The following SFPQ variants were observed in gnomAD, a reference collection of about 807,000 sequenced individuals.
SFPQ encodes splicing factor proline and glutamine rich, also known as splicing factor, proline- and glutamine-rich.
In SFPQ, 11 loss-of-function variants were observed where a neutral mutation model predicts 72.9. That is an observed-to-expected ratio of 0.15 (90% CI 0.09 to 0.25). The LOEUF is 0.25. Among genes scored for constraint, SFPQ ranks in the 10% least tolerant of loss-of-function variants. The pLI is 1.00. For synonymous variants in SFPQ, 506 were observed against 367.3 expected (o/e 1.38, Z -4.32); for missense variants, 847 against 993.3 (o/e 0.85, Z 1.98).
chr1:35,186,663 T>C (rs147115714), intron 9 of SFPQ, among the ~76,000 whole-genome samples: 1 of 152,346 alleles, frequency 6.6e-6, no homozygotes, highest in African/African-American at 2.4e-5. Flanking sequence ...CACTTGGATG[T>C]AGAATAATCA....
rs925562780 is a variant in SFPQ at position 35,189,677 on chromosome 1, G to A, written c.1416-295C>T. Among the ~76,000 whole-genome samples the A allele has an allele frequency of 3.9e-5, 6 of 152,082 alleles. No individual in the cohort carries two copies. In the East Asian group the frequency reaches 5.8e-4, roughly 15 times the overall value. ...TAAAAATGTACTGTAGGCCACACGC[G>A]GTGGCTCACCCCTGTAATCCCTGCA... On this transcript the variant is annotated intron_variant, in intron 4 of 9. Coordinates refer to ENST00000357214, the MANE Select transcript of SFPQ (RefSeq NM_005066.3).
intron 7 of SFPQ, among the ~76,000 whole-genome samples, 168 bp downstream of exon 7, chr1:35,187,805 A>G (rs376239036): frequency 2.7e-4 from 41 of 152,302 alleles, no homozygotes; most frequent in African/African-American, 9.9e-4. Flanking sequence ...AAAACTTCCT[A>G]TTCAATTAAA....
intron 4 of SFPQ, 41 bp downstream of exon 4, chr1:35,190,457 A>G: frequency 7.3e-7 from 1 of 1,378,318 alleles, no homozygotes; most frequent in South Asian, 1.2e-5. Flanking sequence ...TAACCTTTAC[A>G]CTTGATTTAA....
downstream of SFPQ, chr1:35,178,485 A>G: frequency 9.4e-7 from 1 of 1,063,832 alleles, no homozygotes; most frequent in East Asian, 5.1e-5. Context: ...GAGTCCTCCA[A>G]GAGTGCCCAA....
chr1:35,181,404 C>A, downstream of SFPQ: 1 of 1,064,052 alleles, frequency 9.4e-7, no homozygotes, highest in Non-Finnish European at 1.1e-6. Flanking sequence ...TTAAAAATTG[C>A]ACAGGCGTAA....
intron 1 of SFPQ, among the ~76,000 whole-genome samples, chr1:35,191,790 T>C (rs1376903962): frequency 6.6e-6 from 1 of 152,114 alleles, no homozygotes; most frequent in Non-Finnish European, 1.5e-5. Context: ...ATATGTTGAG[T>C]GTCCCTAAAA....
Position 35,183,898 on chromosome 1 carries a change from G to A in SFPQ, c.*558C>T, listed in dbSNP as rs556353804. ...CATTTAAAAAATACTTAGCACCAGC[G>A]TGCTTCCTATATGCCAAACAAATCA... On this transcript the variant is annotated 3_prime_UTR_variant, in exon 10 of 10. Transcript: ENST00000357214. The A allele has an allele frequency of 2.7e-5, 28 of 1,051,774 alleles. No individual in the cohort carries two copies. The highest frequency in any genetic ancestry group is 1.6e-4 in the East Asian group (3 of 18,372). 65.2% of individuals were successfully genotyped at this position (1,051,774 alleles called of 1,614,324 possible).
downstream of SFPQ, chr1:35,181,563 A>G (rs552014153): frequency 9.4e-7 from 1 of 1,062,192 alleles, no homozygotes; most frequent in South Asian, 4.6e-5. Context: ...GGCTATGCTT[A>G]TAAAATACCT....
chr1:35,182,227 TTCTTG>T (rs1639497558), downstream of SFPQ: 1 of 985,258 alleles, frequency 1.0e-6, no homozygotes, highest in South Asian at 4.7e-5. Context: ...ACCCCTTATT[TTCTTG>T]TCTTTAGTAG....
chr1:35,192,785 G>A lies in SFPQ; in HGVS notation c.265C>T (p.Pro89Ser), dbSNP rs1228501086. The A allele has an allele frequency of 2.7e-6, 4 of 1,500,904 alleles. No individual in the cohort carries two copies. Among genetic ancestry groups the A allele is most frequent in the South Asian group, 2.5e-5 (2 of 80,350 alleles). The allele number at this position is 1,500,904 out of a possible 1,614,324, so 93.0% of individuals were successfully genotyped here. A position where few individuals can be genotyped will look rare whatever the true frequency, so the allele number is the denominator to read the frequency against. The change falls in exon 1 of 10, where the codon CCG (proline) becomes TCG (serine). Residue 89 changes from proline to serine, a missense_variant. Transcript: ENST00000357214. ...PQQPPPHQPP[P>S]HPQPHQQQQP... ...TGCTGCTGATGCGGCTGTGGATGCGGCGGCGGCTGATGCGGTGGCGGCTGC... is the reference window on the plus strand; with the variant it reads ...TGCTGCTGATGCGGCTGTGGATGCGACGGCGGCTGATGCGGTGGCGGCTGC...
chr1:35,189,633 G>C (rs1409449873), intron 4 of SFPQ, among the ~76,000 whole-genome samples: 1 of 152,044 alleles, frequency 6.6e-6, no homozygotes, highest in East Asian at 1.9e-4. Flanking sequence ...TCCTTACCGA[G>C]GCTTATTTTT....
chr1:35,182,145 A>AT, downstream of SFPQ: 3 of 985,330 alleles, frequency 3.0e-6, no homozygotes, highest in Non-Finnish European at 2.4e-6. Flanking sequence ...TTATAGGCAG[A>AT]TTTTCCCATT....
At chr1:35,185,168 A>G (rs1639645558) in intron 9 of SFPQ, among the ~76,000 whole-genome samples, 1 of 152,246 alleles carries the variant, frequency 6.6e-6, no homozygotes, top group Non-Finnish European at 1.5e-5. Context: ...ACAAAAAGAA[A>G]AAGCATAAGA....
downstream of SFPQ, chr1:35,179,269 T>C (rs186407727): frequency 5.4e-5 from 57 of 1,060,608 alleles, 1 homozygote; most frequent in Non-Finnish European, 5.7e-6. Flanking sequence ...CCATTAAGGT[T>C]AAAAGTCCAA....
chr1:35,188,944 G>A, intron 6 of SFPQ, 59 bp downstream of exon 6: 1 of 1,377,450 alleles, frequency 7.3e-7, no homozygotes. Flanking sequence ...CCGGGCAACA[G>A]AATGATACGT....
In SFPQ at chr1:35,192,808, TGCTGCGGCGGTG is replaced by T. The variant is rs1464613450; in HGVS notation, c.230_241del (p.Pro77_Gln80del). The T allele has an allele frequency of 2.7e-6, 4 of 1,505,382 alleles. No individual in the cohort carries two copies. In the Admixed American group the frequency reaches 6.6e-5, roughly 25 times the overall value. 93.3% of individuals were successfully genotyped at this position (1,505,382 alleles called of 1,614,324 possible). On this transcript the variant is annotated inframe_deletion, in exon 1 of 10. Transcript: ENST00000357214. ...CGGCGGCGGCTGATGCGGTGGCGGC[TGCTGCGGCGGTG>T]GCTGCTGCGGTGGTGGCTGTTGCTG...
downstream of SFPQ, chr1:35,179,515 A>G (rs1348164380): frequency 9.5e-6 from 10 of 1,054,978 alleles, no homozygotes; most frequent in African/African-American, 1.7e-5. Context: ...AATACAATGC[A>G]AGCACCTCGG....
intron 9 of SFPQ, among the ~76,000 whole-genome samples, chr1:35,185,056 G>A (rs1374185698): frequency 2.0e-5 from 3 of 152,232 alleles, no homozygotes; most frequent in Admixed American, 6.5e-5. Context: ...TTAGTGGCAT[G>A]TGCTGCTTAA....
intron 6 of SFPQ, 66 bp from the exon 7 acceptor site, chr1:35,188,156 A>C: frequency 8.1e-7 from 1 of 1,229,064 alleles, no homozygotes; most frequent in Non-Finnish European, 1.2e-6. Context: ...AATGTGAAGA[A>C]ACCTAGCAGT....
Sources: allele counts gnomAD v4.1 joint callset (sites outside exome capture counted in the v4.1 genomes callset), GRCh38; gene constraint gnomAD v4.1.1; transcripts MANE v1.5; gene names NCBI Gene and HGNC (gene_info 2026-07-23, HGNC 2026-07-21).